The following CYFIP1 variants were observed in gnomAD, a reference collection of about 807,000 sequenced individuals.
CYFIP1 encodes cytoplasmic FMR1-interacting protein 1.
In CYFIP1, 58 loss-of-function variants were observed where a neutral mutation model predicts 163.5. The observed-to-expected ratio is 0.35, with a 90% CI of 0.29 to 0.44. The LOEUF is 0.44. Ranked by LOEUF, CYFIP1 falls within the 20% of genes least tolerant of loss-of-function variation. CYFIP1 has a pLI of 1.00. For missense variants in CYFIP1, 1,338 were observed against 1,653.8 expected, an observed-to-expected ratio of 0.81 and a Z score of 3.31; for synonymous variants, 663 against 660.7, an observed-to-expected ratio of 1.00 and a Z score of -0.05.
Position 22,893,729 on chromosome 15 carries a change from G to A in CYFIP1, c.2589-752C>T, listed in dbSNP as rs542994168. ...CCACTAGGCCCCCTGACCACCTACCGCAGTACTTCTGGGTATGCCTTTCCA... is the reference window on the plus strand; with the variant it reads ...CCACTAGGCCCCCTGACCACCTACCACAGTACTTCTGGGTATGCCTTTCCA... On this transcript the variant is annotated intron_variant, in intron 22 of 30. Coordinates refer to ENST00000617928, the MANE Select transcript of CYFIP1 (RefSeq NM_014608.6). Among the ~76,000 whole-genome samples the A allele has an allele frequency of 4.6e-5, 7 of 152,244 alleles. No homozygotes were observed. The East Asian group carries it at 1.4e-3, about 29-fold the overall frequency.
intron 13 of CYFIP1, 105 bp from the exon 14 acceptor site, chr15:22,918,963 C>T (rs934916606): frequency 1.0e-5 from 9 of 878,538 alleles, no homozygotes; most frequent in East Asian, 7.7e-5. Flanking sequence ...CAGCACCTTA[C>T]GCCCTCCCGC....
At chr15:22,904,204 C>T (rs944707219) in intron 21 of CYFIP1, 4 of 479,048 alleles carry the variant, frequency 8.3e-6, no homozygotes, top group East Asian at 7.8e-5. Context: ...CCCTTCCCCC[C>T]ATGTGCCCGC....
intron 23 of CYFIP1, among the ~76,000 whole-genome samples, chr15:22,891,768 G>C (rs2060089724): frequency 6.6e-6 from 1 of 152,246 alleles, no homozygotes; most frequent in East Asian, 1.9e-4. Context: ...GGAGAAGGAA[G>C]ACGCCCAAAG....
chr15:22,964,954 T>G (rs1160555344), intron 1 of CYFIP1, among the ~76,000 whole-genome samples: 2 of 152,192 alleles, frequency 1.3e-5, no homozygotes, highest in Non-Finnish European at 2.9e-5. Context: ...CTGGCTTATT[T>G]TACTAAGCGT....
chr15:22,873,924 ATTTTTGTAT>A (rs2059507079), intron 28 of CYFIP1, among the ~76,000 whole-genome samples, 195 bp from the exon 29 acceptor site: 1 of 152,140 alleles, frequency 6.6e-6, no homozygotes. Flanking sequence ...CACCCGGATA[ATTTTTGTAT>A]TTTTTGTAGA....
rs79745633 is a variant in CYFIP1, at chr15:22,961,663, G to A, written c.-6-14372C>T. Among the ~76,000 whole-genome samples, 914 of 152,206 alleles carry A rather than the reference G, an allele frequency of 6.0e-3. 13 individuals are homozygous for A. The highest frequency in any genetic ancestry group is 0.021 in the African/African-American group (858 of 41,514). ...CCAAAGATGCTGAAATTACAGGAAC[G>A]AGCCACTTCCCCCTGCCTGTTTTTC... On this transcript the variant is annotated intron_variant, in intron 1 of 30. Transcript: ENST00000617928.
chr15:22,900,118 G>A (rs540282400), intron 22 of CYFIP1, among the ~76,000 whole-genome samples: 1 of 152,278 alleles, frequency 6.6e-6, no homozygotes, highest in East Asian at 1.9e-4. Flanking sequence ...CCACATATGT[G>A]TCTGGCTAAG....
intron 30 of CYFIP1, among the ~76,000 whole-genome samples, chr15:22,870,607 C>T (rs2059407849): frequency 6.6e-6 from 1 of 152,176 alleles, no homozygotes; most frequent in Admixed American, 6.5e-5. Flanking sequence ...AGCCAGCACT[C>T]CCAGCCACAT....
At chr15:22,874,377 C>T (rs1400031378) in intron 28 of CYFIP1, among the ~76,000 whole-genome samples, 173 bp downstream of exon 28, 1 of 152,220 alleles carries the variant, frequency 6.6e-6, no homozygotes, top group Non-Finnish European at 1.5e-5. Flanking sequence ...CTGAATCCTC[C>T]CACCACCCAG....
At position 22,932,238 on chromosome 15, in the gene CYFIP1, G is replaced by C. The variant is rs1206392736; in HGVS notation, c.1095C>G (p.Arg365=). The C allele has an allele frequency of 6.2e-7, 1 of 1,611,474 alleles. No individual in the cohort carries two copies. The highest frequency in any genetic ancestry group is 8.5e-7 in the Non-Finnish European group (1 of 1,178,630). Residue 365 remains arginine (R), a synonymous_variant, in exon 11 of 31, where the codon CGC becomes CGG. Coordinates refer to ENST00000617928, the MANE Select transcript of CYFIP1 (RefSeq NM_014608.6). ...DHMRFISELA[R]YSNSEVVTGS... ...CGGGGCGCACCTCGCTGTTGCTGTA[G>C]CGCGCCAGCTCCGAAATGAAGCGCA... is the stretch of plus-strand genomic sequence containing the variant.
At chr15:22,970,801 G>C (rs1487792114) in intron 1 of CYFIP1, among the ~76,000 whole-genome samples, 2 of 152,164 alleles carry the variant, frequency 1.3e-5, no homozygotes, top group Non-Finnish European at 2.9e-5. Context: ...ATTTGGCCTG[G>C]CGTGGTGGCT....
At chr15:22,884,508 G>C (rs186561191) in intron 23 of CYFIP1, among the ~76,000 whole-genome samples, 15 of 152,290 alleles carry the variant, frequency 9.8e-5, no homozygotes, top group African/African-American at 3.6e-4. Context: ...GTAAGATGTG[G>C]GCTCCCACAG....
In CYFIP1 at chr15:22,917,695, C is replaced by T; in HGVS notation, c.1674+93G>A. 2 of 1,418,568 alleles carry T rather than the reference C, an allele frequency of 1.4e-6. No individual in the cohort carries two copies. The highest frequency in any genetic ancestry group is 1.9e-6 in the Non-Finnish European group (2 of 1,067,552). The allele number at this position is 1,418,568 out of a possible 1,614,324, so 87.9% of individuals were successfully genotyped here. A position where few individuals can be genotyped will look rare whatever the true frequency, so the allele number is the denominator to read the frequency against. The stretch of plus-strand genomic sequence containing the variant: ...CTGCCTGAGCAGGCAGCGAGGACCT[C>T]ATTTAACCCGGGCCTCACCAGCCCC... On this transcript the variant is annotated intron_variant, in intron 15 of 30. Transcript: ENST00000617928. This position sits in a 1 kb window ranked among gnomAD's most constrained non-coding sequence, Gnocchi z 4.2.
intron 29 of CYFIP1, 139 bp from the exon 30 acceptor site, chr15:22,873,111 G>C: frequency 1.1e-6 from 1 of 932,968 alleles, no homozygotes; most frequent in South Asian, 1.8e-5. Flanking sequence ...CAGCCAGGAA[G>C]AGAATGCCGG....
In CYFIP1 at chr15:22,892,955, A is replaced by G. The variant is rs1199587105; in HGVS notation, c.2611T>C (p.Phe871Leu). 6.2e-7 allele frequency: 1 copy of G among 1,613,424 alleles called. No homozygotes were observed. The highest frequency in any genetic ancestry group is 1.1e-5 in the South Asian group (1 of 91,066). The change falls in exon 23 of 31, where the codon TTT becomes CTT. Residue 871 changes from phenylalanine (F) to leucine (L), a missense_variant. Phe to Leu is a conservative substitution (Grantham distance 22, BLOSUM62 0). Transcript: ENST00000617928. ...TTATCTCTTTGAAATTCCTGAGAAA[A>G]TGGTAACACTGTCCGAACAAACCTA... ...TNRFVRTVLP[F>L]SQEFQRDKQP...
chr15:22,963,110 C>CT (rs1280718049), intron 1 of CYFIP1, among the ~76,000 whole-genome samples: 3 of 152,184 alleles, frequency 2.0e-5, no homozygotes, highest in Admixed American at 2.0e-4. Flanking sequence ...ACTGATGTGT[C>CT]TAGAGGTAAA....
intron 1 of CYFIP1, 66 bp downstream of exon 1, chr15:22,980,221 G>A (rs1424995524): frequency 6.6e-6 from 1 of 151,366 alleles, no homozygotes; most frequent in Non-Finnish European, 1.5e-5. Flanking sequence ...GGCCGGCCCA[G>A]GTTCCGAGGG....
intron 1 of CYFIP1, among the ~76,000 whole-genome samples, chr15:22,973,282 C>A (rs904462008): frequency 7.1e-6 from 1 of 139,976 alleles, no homozygotes; most frequent in Non-Finnish European, 1.5e-5. Context: ...CCACTGCATT[C>A]CAGCCTGGGT....
chr15:22,917,954 G>A lies in CYFIP1; in HGVS notation c.1527-19C>T. 1.2e-6 allele frequency: 2 copies of A among 1,608,532 alleles called. No individual in the cohort carries two copies. Among genetic ancestry groups the A allele is most frequent in the Non-Finnish European group, 1.7e-6 (2 of 1,177,600 alleles). On this transcript the variant is annotated intron_variant, in intron 14 of 30. Transcript: ENST00000617928. This position sits in a 1 kb window ranked among gnomAD's most constrained non-coding sequence, Gnocchi z 4.2. ...CAGGACACTGAACACCCCACCAAGT[G>A]ATCAGCAAGGCCCAGAGGCCGAGAC...
Sources: allele counts gnomAD v4.1 joint callset (sites outside exome capture counted in the v4.1 genomes callset), GRCh38; gene constraint gnomAD v4.1.1; non-coding constraint Gnocchi (gnomAD v3.1); transcripts MANE v1.5; gene names NCBI Gene and HGNC (gene_info 2026-07-23, HGNC 2026-07-21).